The following EYS variants were observed in gnomAD, a reference collection of about 807,000 sequenced individuals.
The protein encoded by EYS is protein eyes shut homolog.
EYS carries 250 observed loss-of-function variants against 282.1 expected under a neutral mutation model. The observed-to-expected ratio is 0.89, with a 90% CI of 0.80 to 0.98. The LOEUF is 0.98. EYS is among the 50% of genes least tolerant of loss of function. The pLI is 0.00. For missense variants in EYS, 4,016 were observed against 3,709.0 expected (o/e 1.08, Z -2.15); for synonymous variants, 1,355 against 1,282.9 (o/e 1.06, Z -1.20).
chr6:65,055,231 C>T (rs974485001), intron 13 of EYS, among the ~76,000 whole-genome samples: 1 of 152,174 alleles, frequency 6.6e-6, no homozygotes, highest in East Asian at 1.9e-4. Flanking sequence ...AATCCTTTTG[C>T]CTCAACCTCT....
chr6:65,035,336 G>A (rs1423895093), intron 13 of EYS, among the ~76,000 whole-genome samples: 1 of 151,992 alleles, frequency 6.6e-6, no homozygotes, highest in Non-Finnish European at 1.5e-5. Flanking sequence ...CATAGCACCG[G>A]AAGTCCTAGT....
chr6:65,700,256 G>A (rs896432403), intron 1 of EYS, among the ~76,000 whole-genome samples: 1 of 151,932 alleles, frequency 6.6e-6, no homozygotes, highest in Non-Finnish European at 1.5e-5. Context: ...AGGAAACCAT[G>A]GCAATAATCC....
chr6:64,679,134 C>T (rs1769808931), intron 22 of EYS, among the ~76,000 whole-genome samples: 2 of 152,124 alleles, frequency 1.3e-5, no homozygotes, highest in Non-Finnish European at 2.9e-5. Context: ...GTCTCTACCC[C>T]AACTTCACAT....
At chr6:64,965,139 T>C (rs1462224144) in intron 14 of EYS, among the ~76,000 whole-genome samples, 1 of 152,102 alleles carries the variant, frequency 6.6e-6, no homozygotes, top group African/African-American at 2.4e-5. Context: ...AACTGCAAAA[T>C]TGAAGCACAG....
intron 1 of EYS, among the ~76,000 whole-genome samples, chr6:65,686,708 G>A (rs1422100855): frequency 6.6e-6 from 1 of 152,068 alleles, no homozygotes; most frequent in South Asian, 2.1e-4. Flanking sequence ...TTTAAAGCAA[G>A]AAAGTATTAT....
intron 13 of EYS, among the ~76,000 whole-genome samples, chr6:65,007,321 C>A (rs866311754): frequency 4.6e-5 from 7 of 152,174 alleles, no homozygotes; most frequent in Non-Finnish European, 7.4e-5. Flanking sequence ...CAAAAATGCC[C>A]CTAAGATGTA....
intron 5 of EYS, among the ~76,000 whole-genome samples, chr6:65,419,400 C>A (rs116820429): frequency 0.022 from 3,393 of 151,700 alleles, 115 homozygotes; most frequent in African/African-American, 0.078. Flanking sequence ...AAAATTCACA[C>A]AAATAAATTT....
chr6:64,142,041 G>A lies in EYS; in HGVS notation c.6425-60039C>T, dbSNP rs114758349. 7.8e-3 allele frequency among the ~76,000 whole-genome samples: 1,193 copies of A among 152,072 alleles called. 12 individuals are homozygous for A. The highest frequency in any genetic ancestry group is 0.028 in the African/African-American group (1,141 of 41,478). The stretch of plus-strand genomic sequence containing the variant: ...GTAATGTTTTCATCAGCTAATACTG[G>A]CCTTAGGGGAGGAAGGAGCAAAGCA... On this transcript the variant is annotated intron_variant, in intron 31 of 42. Coordinates refer to ENST00000503581, the MANE Select transcript of EYS (RefSeq NM_001142800.2).
At chr6:64,019,839 T>C (rs1473116392) in intron 33 of EYS, among the ~76,000 whole-genome samples, 1 of 126,448 alleles carries the variant, frequency 7.9e-6, no homozygotes, top group East Asian at 2.1e-4. Flanking sequence ...TATATATATA[T>C]GTATATATAA....
Position 64,765,903 on chromosome 6 carries a change from G to A in EYS, c.3443+47475C>T, listed in dbSNP as rs535106343. Among the ~76,000 whole-genome samples the A allele has an allele frequency of 5.9e-5, 9 of 152,048 alleles. No individual in the cohort carries two copies. In the South Asian group the frequency reaches 1.9e-3, roughly 32 times the overall value. On this transcript the variant is annotated intron_variant, in intron 22 of 42. Coordinates refer to ENST00000503581, the MANE Select transcript of EYS (RefSeq NM_001142800.2). ...CCGAGCCAAAAAACCATATCAATGG[G>A]TGTATTTCAGATTTAATAAATTCTG...
intron 11 of EYS, chr6:65,332,511 A>G: frequency 9.4e-7 from 1 of 1,060,622 alleles, no homozygotes; most frequent in Non-Finnish European, 1.4e-6. Flanking sequence ...CAGAGTATAT[A>G]CAATTTTCTC....
rs368097230 is a variant in EYS at position 64,590,456 on chromosome 6, A to G, written c.5411T>C (p.Ile1804Thr). Residue 1804 changes from isoleucine to threonine, a missense_variant, in exon 26 of 43, where the codon ATA becomes ACA. Transcript: ENST00000503581. ...TACAGACATGGAGGAAGACGTCTGT[A>G]TTGAAAGTGCTGGAGTTGCTGAAAC... ...YTVSATPALS[I>T]QTSSSMSVIR... 2.9e-5 allele frequency: 45 copies of G among 1,551,444 alleles called. 1 individual carries two copies. The East Asian group carries it at 1.0e-3, about 35-fold the overall frequency.
chr6:65,334,527 C>G (rs571723438), intron 11 of EYS, among the ~76,000 whole-genome samples: 2 of 151,958 alleles, frequency 1.3e-5, no homozygotes, highest in East Asian at 3.9e-4. Context: ...GCCCTGGCCT[C>G]CCAAAACACT....
intron 33 of EYS, among the ~76,000 whole-genome samples, chr6:64,012,309 G>A (rs1343593655): frequency 6.6e-6 from 1 of 152,168 alleles, no homozygotes; most frequent in Non-Finnish European, 1.5e-5. Flanking sequence ...AAGAGGGTAA[G>A]TTCAGTTGTT....
chr6:65,322,022 G>A (rs1769489546), intron 11 of EYS, among the ~76,000 whole-genome samples: 1 of 152,196 alleles, frequency 6.6e-6, no homozygotes, highest in Admixed American at 6.5e-5. Flanking sequence ...ACCAAGATAT[G>A]ATAGCTGAAT....
At chr6:63,940,249 T>C (rs1765192405) in intron 35 of EYS, among the ~76,000 whole-genome samples, 1 of 152,052 alleles carries the variant, frequency 6.6e-6, no homozygotes, top group African/African-American at 2.4e-5. Flanking sequence ...CTATGTACCA[T>C]AGATTGAAAT....
intron 31 of EYS, among the ~76,000 whole-genome samples, chr6:64,157,144 T>C (rs1774954069): frequency 6.7e-6 from 1 of 150,068 alleles, no homozygotes; most frequent in Non-Finnish European, 1.5e-5. Context: ...ATATGCGGTG[T>C]TTGGTTTTTT....
intron 2 of EYS, among the ~76,000 whole-genome samples, chr6:65,564,532 C>T (rs918109459): frequency 6.6e-6 from 1 of 152,014 alleles, no homozygotes; most frequent in Non-Finnish European, 1.5e-5. Flanking sequence ...GAAAGGATTC[C>T]CTATTTAATA....
intron 12 of EYS, among the ~76,000 whole-genome samples, chr6:65,238,716 C>T (rs1332798095): frequency 6.6e-6 from 1 of 151,922 alleles, no homozygotes. Context: ...AAATTCAGAG[C>T]AAAACCTTTC....
Sources: allele counts gnomAD v4.1 joint callset (sites outside exome capture counted in the v4.1 genomes callset), GRCh38; gene constraint gnomAD v4.1.1; transcripts MANE v1.5; gene names NCBI Gene and HGNC (gene_info 2026-07-23, HGNC 2026-07-21).